Variants in SRRM3 observed in about 807,000 individuals in gnomAD.
SRRM3 encodes the protein serine/arginine repetitive matrix protein 3.
In SRRM3, 27 loss-of-function variants were observed where a neutral mutation model predicts 66.2. The observed-to-expected ratio is 0.41, with a 90% confidence interval of 0.30 to 0.56. SRRM3 has a LOEUF of 0.56. Among genes scored for constraint, SRRM3 ranks in the 20% least tolerant of loss-of-function variants. The pLI is 0.32. For missense variants in SRRM3, 918 were observed against 991.9 expected, an observed-to-expected ratio of 0.93 and a Z score of 1.00; for synonymous variants, 391 against 414.9, an observed-to-expected ratio of 0.94 and a Z score of 0.70.
chr7:76,207,463 T>A (rs1554601277), intron 1 of SRRM3, among the ~76,000 whole-genome samples: 1 of 152,196 alleles, frequency 6.6e-6, no homozygotes, highest in Non-Finnish European at 1.5e-5. Context: ...CCTTGCAGGC[T>A]TTTTTCCATG....
intron 1 of SRRM3, among the ~76,000 whole-genome samples, chr7:76,210,479 G>C (rs1303064191): frequency 6.6e-6 from 1 of 152,162 alleles, no homozygotes; most frequent in East Asian, 1.9e-4. Flanking sequence ...GATCGTCCTT[G>C]ATTCATTCAT....
intron 1 of SRRM3, among the ~76,000 whole-genome samples, chr7:76,212,294 G>A (rs976878035): frequency 1.3e-5 from 2 of 150,074 alleles, no homozygotes; most frequent in African/African-American, 4.9e-5. Context: ...GACCACAGGT[G>A]CACGCCACCA....
At chr7:76,209,472 G>C (rs114923882) in intron 1 of SRRM3, among the ~76,000 whole-genome samples, 1,573 of 152,316 alleles carry the variant, frequency 0.01, 23 homozygotes, top group African/African-American at 0.033. Context: ...AGCATCATGG[G>C]CAATGGCACA....
At position 76,260,138 on chromosome 7, in the gene SRRM3, C is replaced by T; in HGVS notation, c.486C>T (p.Ser162=). The change falls in exon 5 of 15, where the codon AGC becomes AGT. Residue 162 remains serine, a synonymous_variant. Transcript: ENST00000611745. ...CCAGGACCAAGCATTGGTCTAGCAG[C>T]TCGGCATCGCCCCCTCCCAAGAAAA... ...RGYRTKHWSS[S]SASPPPKKKK... is the part of the protein sequence containing the mutation. 1 of 1,483,872 alleles carries T rather than the reference C, an allele frequency of 6.7e-7. No individual in the cohort carries two copies. Among genetic ancestry groups the T allele is most frequent in the Non-Finnish European group, 9.0e-7 (1 of 1,112,612 alleles). The allele number at this position is 1,483,872 out of a possible 1,614,324, so 91.9% of individuals were successfully genotyped here. A position where few individuals can be genotyped will look rare whatever the true frequency, so the allele number is the denominator to read the frequency against.
At chr7:76,212,343 G>A (rs1469350940) in intron 1 of SRRM3, among the ~76,000 whole-genome samples, 2 of 143,892 alleles carry the variant, frequency 1.4e-5, no homozygotes, top group African/African-American at 5.2e-5. Context: ...TTTTTTTAAA[G>A]ACAGTGTTTT....
chr7:76,211,421 G>A (rs567636237), intron 1 of SRRM3, among the ~76,000 whole-genome samples: 5 of 122,944 alleles, frequency 4.1e-5, no homozygotes, highest in Admixed American at 1.5e-4. Flanking sequence ...GTTGGGGGGC[G>A]GGGGGGGAAT....
At chr7:76,229,603 G>A (rs1249699982) in intron 1 of SRRM3, among the ~76,000 whole-genome samples, 3 of 152,104 alleles carry the variant, frequency 2.0e-5, no homozygotes, top group Admixed American at 2.0e-4. Flanking sequence ...AATTGAGTCT[G>A]TGATCATTGA....
intron 11 of SRRM3, among the ~76,000 whole-genome samples, chr7:76,270,566 C>T (rs912431696): frequency 6.6e-6 from 1 of 152,044 alleles, no homozygotes; most frequent in East Asian, 1.9e-4. Context: ...AATCCCAGCA[C>T]TTCGGGAGGC....
chr7:76,264,019 A>G (rs1554609125), intron 8 of SRRM3, among the ~76,000 whole-genome samples: 1 of 151,544 alleles, frequency 6.6e-6, no homozygotes, highest in African/African-American at 2.4e-5. Context: ...AGGTATGATT[A>G]TCAGGCCACA....
chr7:76,271,940 C>T (rs183547335), intron 11 of SRRM3, among the ~76,000 whole-genome samples: 1 of 152,350 alleles, frequency 6.6e-6, no homozygotes, highest in East Asian at 1.9e-4. Context: ...TCTTCTGTGA[C>T]TCAGGGAACC....
intron 1 of SRRM3, among the ~76,000 whole-genome samples, chr7:76,222,484 C>T (rs1454875692): frequency 6.6e-6 from 1 of 151,914 alleles, no homozygotes; most frequent in African/African-American, 2.4e-5. Context: ...GCTCAATACC[C>T]TTCACTGGCT....
intron 1 of SRRM3, among the ~76,000 whole-genome samples, chr7:76,207,543 C>T (rs956828011): frequency 3.3e-5 from 5 of 152,118 alleles, no homozygotes; most frequent in African/African-American, 9.7e-5. Flanking sequence ...TGTTTTTACT[C>T]TATCATGAGC....
intron 5 of SRRM3, among the ~76,000 whole-genome samples, chr7:76,260,572 C>T (rs1050462346): frequency 6.9e-6 from 1 of 144,098 alleles, no homozygotes; most frequent in African/African-American, 2.5e-5. Flanking sequence ...CTCCCCTTAT[C>T]TGGGATCCGC....
At chr7:76,260,064 G>T in intron 4 of SRRM3, 30 bp downstream of exon 4, 4 of 1,472,422 alleles carry the variant, frequency 2.7e-6, no homozygotes, top group South Asian at 1.4e-5. Flanking sequence ...GGGGTGGGGG[G>T]CGCGCGGGGC....
chr7:76,204,631 T>C (rs2116919193), intron 1 of SRRM3, among the ~76,000 whole-genome samples: 1 of 152,018 alleles, frequency 6.6e-6, no homozygotes, highest in East Asian at 1.9e-4. Context: ...GTTGGAGAGG[T>C]GGGTGGCACA....
chr7:76,282,906 G>T, intron 13 of SRRM3, 34 bp downstream of exon 13: 1 of 1,311,018 alleles, frequency 7.6e-7, no homozygotes, highest in Non-Finnish European at 9.7e-7. Context: ...CGACGGGGCG[G>T]GCGGCGGGGT....
intron 1 of SRRM3, among the ~76,000 whole-genome samples, chr7:76,207,127 C>G (rs1800319888): frequency 7.1e-6 from 1 of 141,158 alleles, no homozygotes; most frequent in Admixed American, 7.2e-5. Flanking sequence ...GACCTCGGCT[C>G]ACTAAAAAAA....
intron 1 of SRRM3, among the ~76,000 whole-genome samples, chr7:76,203,631 C>A (rs1000201692): frequency 2.0e-5 from 3 of 152,204 alleles, no homozygotes; most frequent in Non-Finnish European, 4.4e-5. Context: ...GCCTCATGCC[C>A]AGCTCCATGC....
At chr7:76,216,914 C>G (rs1045901408) in intron 1 of SRRM3, among the ~76,000 whole-genome samples, 2 of 152,202 alleles carry the variant, frequency 1.3e-5, no homozygotes, top group Non-Finnish European at 2.9e-5. Context: ...TGATCTCAGC[C>G]GGCCCAGCAG....
Sources: gnomAD v4.1 joint callset for allele counts (sites outside exome capture counted in the v4.1 genomes callset) on GRCh38, gnomAD v4.1.1 for gene constraint, MANE v1.5 for transcripts, NCBI Gene and HGNC (gene_info 2026-07-23, HGNC 2026-07-21) for gene names.